Variants in CRHR1 observed in about 807,000 individuals in gnomAD.
CRHR1 encodes corticotropin-releasing hormone receptor 1.
In CRHR1, 28 loss-of-function variants were observed where a neutral mutation model predicts 56.0. The ratio of observed to expected loss-of-function variants is 0.50; its 90% CI spans 0.37 to 0.69. CRHR1 has a LOEUF of 0.69. Ranked by LOEUF, CRHR1 falls within the 30% of genes least tolerant of loss-of-function variation. The pLI, the probability that CRHR1 is intolerant of heterozygous loss-of-function variation, is 0.00. For missense variants in CRHR1, 376 were observed against 548.0 expected, an observed-to-expected ratio of 0.69 and a Z score of 3.13; for synonymous variants, 195 against 216.5, an observed-to-expected ratio of 0.90 and a Z score of 0.87.
At chr17:45,785,052 G>C (rs1007485572) in intron 1 of CRHR1, among the ~76,000 whole-genome samples, 1 of 152,168 alleles carries the variant, frequency 6.6e-6, no homozygotes, top group Non-Finnish European at 1.5e-5. Context: ...TCCCCTCCGC[G>C]GCGAGCTGCG....
chr17:45,799,150 A>G (rs910818049), intron 1 of CRHR1, among the ~76,000 whole-genome samples: 6 of 152,182 alleles, frequency 3.9e-5, no homozygotes, highest in Non-Finnish European at 7.3e-5. Flanking sequence ...CTGTGGGTGG[A>G]TGAGAAAAAG....
chr17:45,828,244 C>T (rs143421877), intron 4 of CRHR1, among the ~76,000 whole-genome samples: 17 of 152,330 alleles, frequency 1.1e-4, no homozygotes, highest in African/African-American at 3.6e-4. Context: ...GACCAGTCCC[C>T]TATTATGGGC....
chr17:45,823,403 C>CTTTTTT (rs71138512), intron 4 of CRHR1, among the ~76,000 whole-genome samples: 4 of 100,596 alleles, frequency 4.0e-5, no homozygotes, highest in Non-Finnish European at 6.0e-5. Context: ...GGGACATTCC[C>CTTTTTT]TTTTTTTTTT....
intron 2 of CRHR1, among the ~76,000 whole-genome samples, 195 bp downstream of exon 2, chr17:45,807,292 G>A (rs1184062919): frequency 2.0e-5 from 3 of 152,228 alleles, no homozygotes; most frequent in Non-Finnish European, 4.4e-5. Context: ...TGGGTGTAAG[G>A]TTGGTGGGGA....
chr17:45,823,464 G>A lies in CRHR1; in HGVS notation c.327+2024G>A, dbSNP rs887105647. Among the ~76,000 whole-genome samples, 14 of 137,186 alleles carry A rather than the reference G, an allele frequency of 1.0e-4. No homozygotes were observed. The East Asian group carries it at 3.0e-3, about 30-fold the overall frequency. The allele number at this position is 137,186 out of a possible 152,430, so 90.0% of individuals were successfully genotyped here. On this transcript the variant is annotated intron_variant, in intron 4 of 12. Transcript: ENST00000314537. The stretch of plus-strand genomic sequence containing the variant: ...TCCTCTGTCGCCAGGCTGGAGTGCT[G>A]TGGCGCGATGTCGGCTCATTGCAAC...
chr17:45,830,235 G>T, intron 6 of CRHR1, 21 bp downstream of exon 6: 4 of 1,613,134 alleles, frequency 2.5e-6, no homozygotes, highest in Non-Finnish European at 3.4e-6. Context: ...GCAGGGGAGC[G>T]GGGAGCAGGT....
In CRHR1 at chr17:45,830,568, G is replaced by A; in HGVS notation, c.707G>A (p.Trp236Ter). 6.2e-7 allele frequency: 1 copy of A among 1,604,302 alleles called. No individual in the cohort carries two copies. Among genetic ancestry groups the A allele is most frequent in the Non-Finnish European group, 8.5e-7 (1 of 1,174,560 alleles). ...AAATGGATGTTCATCTGCATTGGCT[G>A]GGGTGAGCTGGGCAGCCACCTCCGC... Reference protein sequence around the residue: ...LRKWMFICIGWGVPFPIIVAW... With the variant: ...LRKWMFICIG Residue 236 changes from tryptophan (W) to a stop codon, truncating the protein, a stop_gained and splice_region_variant, in exon 7 of 13, where the codon TGG becomes TAG. Transcript: ENST00000314537. LOFTEE classifies it high-confidence loss of function.
At chr17:45,826,036 C>T (rs117389699) in intron 4 of CRHR1, 2,607 of 152,478 alleles carry the variant, frequency 0.017, 45 homozygotes, top group Non-Finnish European at 0.021. Flanking sequence ...CCAAGTACCA[C>T]GCTGTGCCAC....
At chr17:45,796,484 C>T (rs142675978) in intron 1 of CRHR1, among the ~76,000 whole-genome samples, 2 of 152,086 alleles carry the variant, frequency 1.3e-5, no homozygotes, top group East Asian at 1.9e-4. Context: ...TTTGGAGGAT[C>T]CAGGCTTGTG....
chr17:45,808,440 A>G (rs2061759188), intron 2 of CRHR1, among the ~76,000 whole-genome samples: 1 of 152,164 alleles, frequency 6.6e-6, no homozygotes, highest in Admixed American at 6.5e-5. Flanking sequence ...TGTCCCGGCT[A>G]GGGGTGGGTA....
At chr17:45,815,991 A>G (rs1230491025) in intron 2 of CRHR1, among the ~76,000 whole-genome samples, 1 of 152,210 alleles carries the variant, frequency 6.6e-6, no homozygotes, top group Non-Finnish European at 1.5e-5. Context: ...TCTTCCCTGC[A>G]GGGCCAGGGT....
intron 1 of CRHR1, among the ~76,000 whole-genome samples, chr17:45,786,279 G>T (rs576881048): frequency 6.6e-6 from 1 of 152,072 alleles, no homozygotes; most frequent in African/African-American, 2.4e-5. Context: ...TGGGGTGTTT[G>T]CCCTTTATGC....
chr17:45,830,140 G>C lies in CRHR1; in HGVS notation c.481G>C (p.Ala161Pro). The change falls in exon 6 of 13, where the codon GCC becomes CCC. Residue 161 changes from alanine to proline, a missense_variant. Coordinates refer to ENST00000314537, the MANE Select transcript of CRHR1 (RefSeq NM_004382.5). The part of the protein sequence containing the change: ...RNIIHWNLIS[A>P]FILRNATWFV... The stretch of plus-strand genomic sequence containing the variant: ...CATCATCCACTGGAACCTCATCTCC[G>C]CCTTCATCCTGCGCAACGCCACCTG... 4 of 1,614,076 alleles carry C rather than the reference G, an allele frequency of 2.5e-6. No homozygotes were observed. The highest frequency in any genetic ancestry group is 3.4e-6 in the Non-Finnish European group (4 of 1,180,022).
chr17:45,797,992 G>A (rs1218193953), intron 1 of CRHR1, among the ~76,000 whole-genome samples: 1 of 152,066 alleles, frequency 6.6e-6, no homozygotes, highest in South Asian at 2.1e-4. Context: ...TCCAAGGTGC[G>A]GGGCTATGGC....
chr17:45,789,764 T>G (rs1261868552), intron 1 of CRHR1, among the ~76,000 whole-genome samples: 10 of 152,184 alleles, frequency 6.6e-5, no homozygotes. Context: ...AACATCTTCT[T>G]GTATGGGTGG....
chr17:45,834,902 G>GA lies in CRHR1; in HGVS notation c.*138_*139insA, dbSNP rs997784592. The GA allele has an allele frequency of 3.5e-6, 4 of 1,128,346 alleles. No homozygotes were observed. The highest frequency in any genetic ancestry group is 2.5e-5 in the Admixed American group (1 of 39,792). 69.9% of individuals were successfully genotyped at this position (1,128,346 alleles called of 1,614,324 possible). A position where few individuals can be genotyped will look rare whatever the true frequency, so the allele number is the denominator to read the frequency against. On this transcript the variant is annotated 3_prime_UTR_variant, in exon 13 of 13. Coordinates refer to ENST00000314537, the MANE Select transcript of CRHR1 (RefSeq NM_004382.5). ...CAGGAGCAGCTGGCACTGACAGCCT[G>GA]GGGGGGCCGCTCTCCCCCTGCAGCC...
chr17:45,807,179 G>C (rs1297342199), intron 2 of CRHR1, 82 bp downstream of exon 2: 18 of 1,289,132 alleles, frequency 1.4e-5, no homozygotes, highest in East Asian at 1.2e-4. Flanking sequence ...CCTGCACACA[G>C]AACCATGCCC....
In CRHR1 at chr17:45,835,048, G is replaced by C. The variant is rs551004899; in HGVS notation, c.*284G>C. On this transcript the variant is annotated 3_prime_UTR_variant, in exon 13 of 13. Transcript: ENST00000314537. ...ACATGGGAATGAATTGAAATGGGGC[G>C]CTGGACACCTACAGCAGCACGCATG... 705 of 496,692 alleles carry C rather than the reference G, an allele frequency of 1.4e-3. 4 individuals carry two copies. Among genetic ancestry groups the C allele is most frequent in the Middle Eastern group, 4.2e-3 (8 of 1,906 alleles). The allele number at this position is 496,692 out of a possible 1,614,324, so 30.8% of individuals were successfully genotyped here.
At chr17:45,796,519 G>A (rs923188557) in intron 1 of CRHR1, among the ~76,000 whole-genome samples, 1 of 151,974 alleles carries the variant, frequency 6.6e-6, no homozygotes, top group African/African-American at 2.4e-5. Flanking sequence ...GGAAGGGAAG[G>A]CAGGCAGGGC....
Sources: gnomAD v4.1 joint callset for allele counts (sites outside exome capture counted in the v4.1 genomes callset) on GRCh38, gnomAD v4.1.1 for gene constraint, MANE v1.5 for transcripts, NCBI Gene and HGNC (gene_info 2026-07-23, HGNC 2026-07-21) for gene names.